Variants in UNC5D observed in about 807,000 individuals in gnomAD.
UNC5D encodes the protein netrin receptor UNC5D.
In UNC5D, 39 loss-of-function variants were observed where a neutral mutation model predicts 105.4. That is an observed-to-expected ratio of 0.37 (90% CI 0.29 to 0.48). The LOEUF (loss-of-function observed/expected upper bound fraction) is 0.48, where lower values mean the gene tolerates loss of function less well. Ranked by LOEUF, UNC5D falls within the 20% of genes least tolerant of loss-of-function variation. The pLI is 0.98. For synonymous variants in UNC5D, 452 were observed against 450.4 expected, an observed-to-expected ratio of 1.00 and a Z score of -0.04; for missense variants, 991 against 1,202.4, an observed-to-expected ratio of 0.82 and a Z score of 2.60.
At chr8:35,746,149 AGAG>A (rs1411650929) in intron 11 of UNC5D, among the ~76,000 whole-genome samples, 1 of 152,172 alleles carries the variant, frequency 6.6e-6, no homozygotes, top group Admixed American at 6.5e-5. Flanking sequence ...CTCCGGTAAC[AGAG>A]AAGAAAAGTA....
At chr8:35,243,991 A>T (rs1161362215) in intron 1 of UNC5D, among the ~76,000 whole-genome samples, 3 of 152,208 alleles carry the variant, frequency 2.0e-5, no homozygotes, top group Non-Finnish European at 4.4e-5. Flanking sequence ...TGTTTTAGAC[A>T]GATACTAAGG....
intron 8 of UNC5D, among the ~76,000 whole-genome samples, chr8:35,713,628 A>G (rs1286387097): frequency 2.0e-5 from 3 of 152,188 alleles, no homozygotes; most frequent in Admixed American, 6.5e-5. Flanking sequence ...CATTTGTTCA[A>G]TCTGGCTAGC....
rs1333369748 is a variant in UNC5D at position 35,549,401 on chromosome 8, T to A, written c.213T>A (p.Ile71=). The A allele has an allele frequency of 1.3e-5, 21 of 1,613,450 alleles. No homozygotes were observed. The highest frequency in any genetic ancestry group is 1.8e-5 in the Non-Finnish European group (21 of 1,180,014). Reference sequence around the variant, plus strand: ...CTTATATTATCAAGAGCAACCCTATTGCACTCAGGTGCAAAGCGAGGCCAG... The same window carrying A: ...CTTATATTATCAAGAGCAACCCTATAGCACTCAGGTGCAAAGCGAGGCCAG... ...DDAYIIKSNP[I]ALRCKARPAM... The change falls in exon 2 of 17, where the codon ATT becomes ATA. Residue 71 remains isoleucine, a synonymous_variant. Transcript: ENST00000404895.
In UNC5D at chr8:35,411,675, C is replaced by T. The variant is rs143489607; in HGVS notation, c.104-137617C>T. Among the ~76,000 whole-genome samples the T allele has an allele frequency of 2.5e-3, 379 of 152,148 alleles. 1 individual carries two copies. Among genetic ancestry groups the T allele is most frequent in the Admixed American group, 5.4e-3 (82 of 15,266 alleles). ...ACCTCATCATTCTTAATTCCTTTAA[C>T]TAACTTTATTTTATTTAAATCTTAT... On this transcript the variant is annotated intron_variant, in intron 1 of 16. Transcript: ENST00000404895.
At chr8:35,253,834 G>C (rs371794789) in intron 1 of UNC5D, among the ~76,000 whole-genome samples, 4 of 152,190 alleles carry the variant, frequency 2.6e-5, no homozygotes, top group South Asian at 2.1e-4. Context: ...GAAGTATATA[G>C]TGAGGAGCTT....
chr8:35,692,332 G>C (rs755456411), intron 7 of UNC5D, among the ~76,000 whole-genome samples: 7 of 152,236 alleles, frequency 4.6e-5, no homozygotes, highest in Middle Eastern at 3.4e-3. Flanking sequence ...CACAGGAAAG[G>C]CATGTTTGCT....
intron 4 of UNC5D, among the ~76,000 whole-genome samples, chr8:35,638,982 A>G (rs1396143845): frequency 6.6e-6 from 1 of 152,208 alleles, no homozygotes; most frequent in Non-Finnish European, 1.5e-5. Flanking sequence ...AACATTTGTT[A>G]AGTCTTCTGT....
chr8:35,779,589 G>C (rs1307186172), intron 16 of UNC5D, among the ~76,000 whole-genome samples: 1 of 152,112 alleles, frequency 6.6e-6, no homozygotes, highest in African/African-American at 2.4e-5. Context: ...CTCCAGAGTA[G>C]CTGGGATTAC....
intron 1 of UNC5D, among the ~76,000 whole-genome samples, chr8:35,308,863 A>G (rs1033934043): frequency 2.0e-5 from 3 of 152,184 alleles, no homozygotes; most frequent in African/African-American, 7.2e-5. Context: ...GAAAAAAAAA[A>G]TTATGATTAT....
At chr8:35,248,745 A>C (rs1470789549) in intron 1 of UNC5D, among the ~76,000 whole-genome samples, 1 of 97,278 alleles carries the variant, frequency 1.0e-5, no homozygotes, top group Non-Finnish European at 1.7e-5. Context: ...AATATATATA[A>C]AATATATAAA....
intron 4 of UNC5D, among the ~76,000 whole-genome samples, chr8:35,654,119 A>T (rs1823591172): frequency 6.6e-6 from 1 of 152,054 alleles, no homozygotes; most frequent in African/African-American, 2.4e-5. Flanking sequence ...TATTTTTCCT[A>T]TTATATGAAT....
Position 35,790,198 on chromosome 8 carries a change from G to T in UNC5D, c.2658-161G>T, listed in dbSNP as rs1802973104. On this transcript the variant is annotated intron_variant, in intron 16 of 16. Transcript: ENST00000404895. ...CAGCACAGTTTCAACTGAGTGCTGG[G>T]ATACAAATTAGACTGCCCCAGACCT... 3.9e-5 allele frequency among the ~76,000 whole-genome samples: 6 copies of T among 152,238 alleles called. No homozygotes were observed. In the South Asian group the frequency reaches 1.2e-3, roughly 32 times the overall value.
intron 1 of UNC5D, among the ~76,000 whole-genome samples, chr8:35,458,718 C>A (rs553437800): frequency 1.3e-5 from 2 of 152,246 alleles, no homozygotes; most frequent in East Asian, 3.9e-4. Context: ...TGCAAGTAAC[C>A]TTTTTAAGGC....
intron 16 of UNC5D, 61 bp from the exon 17 acceptor site, chr8:35,790,298 G>A: frequency 2.0e-6 from 3 of 1,508,746 alleles, no homozygotes; most frequent in Non-Finnish European, 2.8e-6. Flanking sequence ...ATGGTGATCA[G>A]TGTTTATTCC....
intron 14 of UNC5D, among the ~76,000 whole-genome samples, chr8:35,760,236 G>A (rs569000567): frequency 1.3e-5 from 2 of 151,964 alleles, no homozygotes; most frequent in Non-Finnish European, 2.9e-5. Context: ...TAGAGACGGG[G>A]TTTGCCATGT....
intron 1 of UNC5D, among the ~76,000 whole-genome samples, chr8:35,431,133 T>A (rs1384746005): frequency 6.6e-6 from 1 of 152,228 alleles, no homozygotes; most frequent in Admixed American, 6.5e-5. Flanking sequence ...AAACCAGGAA[T>A]CTTTATTGAC....
Position 35,362,296 on chromosome 8 carries a change from T to C in UNC5D, c.103+126409T>C, listed in dbSNP as rs149044577. Among the ~76,000 whole-genome samples the C allele has an allele frequency of 5.3e-5, 8 of 152,352 alleles. No homozygotes were observed. The East Asian group carries it at 1.4e-3, about 26-fold the overall frequency. ...AGTGTTTTATGGAATTAGAACTCTT[T>C]AAGTAAATGGATTTTCCTTTTTGCA... On this transcript the variant is annotated intron_variant, in intron 1 of 16. Transcript: ENST00000404895.
chr8:35,292,776 G>A (rs935225958), intron 1 of UNC5D, among the ~76,000 whole-genome samples: 4 of 147,682 alleles, frequency 2.7e-5, no homozygotes, highest in East Asian at 2.0e-4. Context: ...GTGTGCAGTG[G>A]TGCAATCTCG....
intron 1 of UNC5D, among the ~76,000 whole-genome samples, chr8:35,397,518 G>T (rs1231922658): frequency 3.9e-5 from 6 of 152,182 alleles, no homozygotes; most frequent in Non-Finnish European, 5.9e-5. Context: ...CTTGCCGGAA[G>T]TGTAATTACA....
Sources: gnomAD v4.1 joint callset for allele counts (sites outside exome capture counted in the v4.1 genomes callset) on GRCh38, gnomAD v4.1.1 for gene constraint, MANE v1.5 for transcripts, NCBI Gene and HGNC (gene_info 2026-07-23, HGNC 2026-07-21) for gene names.